MILR1: variants seen among roughly 807,000 people sequenced by gnomAD.
MILR1 encodes the protein mast cell immunoglobulin like receptor 1.
In MILR1, 31 loss-of-function variants were observed where a neutral mutation model predicts 18.5. The observed-to-expected ratio is 1.68, with a 90% CI of 1.26 to 2.26. The LOEUF is 2.26. Among genes scored for constraint, MILR1 ranks in the 30% most tolerant of loss-of-function variants. The pLI is 0.00. For synonymous variants in MILR1, 85 were observed against 56.2 expected (o/e 1.51, Z -2.30); for missense variants, 257 against 157.4 (o/e 1.63, Z -3.38).
chr17:64,477,157 TAA>T, the MILR1 span, among the ~76,000 whole-genome samples: 1 of 152,234 alleles, frequency 6.6e-6, no homozygotes. Flanking sequence ...GCAGATTCCA[TAA>T]AGACCTTTTC....
rs782460350 is a variant in MILR1 at position 64,468,320 on chromosome 17, A to G, written c.*39A>G. 78 of 451,266 alleles carry G rather than the reference A, an allele frequency of 1.7e-4. No individual in the cohort carries two copies. The highest frequency in any genetic ancestry group is 3.6e-4 in the Admixed American group (15 of 41,874). The allele number at this position is 451,266 out of a possible 1,614,324, so 28.0% of individuals were successfully genotyped here. A position where few individuals can be genotyped will look rare whatever the true frequency, so the allele number is the denominator to read the frequency against. ...CTTTTTTTTTTTGAGATGGAGTCTCACTCTGTTGCCCAGGCTGGAGTTCAG... is the reference window on the plus strand; with the variant it reads ...CTTTTTTTTTTTGAGATGGAGTCTCGCTCTGTTGCCCAGGCTGGAGTTCAG... On this transcript the variant is annotated 3_prime_UTR_variant, in exon 10 of 10. Transcript: ENST00000619286.
At chr17:64,485,470 G>A in the MILR1 span, 8 of 464,288 alleles carry the variant, frequency 1.7e-5, no homozygotes, top group Admixed American at 6.8e-5. Context: ...CAGGGGCTAG[G>A]AGTCATAGAG....
the MILR1 span, chr17:64,487,305 C>G: frequency 1.3e-5 from 2 of 152,130 alleles, no homozygotes; most frequent in Admixed American, 6.6e-5. Flanking sequence ...CAGTTATCGT[C>G]GAACTGATAG....
chr17:64,480,618 T>A, the MILR1 span, among the ~76,000 whole-genome samples: 1 of 152,200 alleles, frequency 6.6e-6, no homozygotes, highest in East Asian at 1.9e-4. Context: ...TAAATGCCAA[T>A]CTTCTGAGAA....
At chr17:64,469,604 G>A (rs2037656249), downstream of MILR1, among the ~76,000 whole-genome samples, 1 of 152,148 alleles carries the variant, frequency 6.6e-6, no homozygotes, top group African/African-American at 2.4e-5. Flanking sequence ...TTGCCATGTT[G>A]GCCAGGCTGG....
downstream of MILR1, among the ~76,000 whole-genome samples, chr17:64,472,646 C>T (rs1010862407): frequency 6.6e-6 from 1 of 151,918 alleles, no homozygotes; most frequent in Non-Finnish European, 1.5e-5. Context: ...TACACAAATA[C>T]TTACCATTGT....
At chr17:64,457,934 C>G (rs1277680537) in intron 4 of MILR1, among the ~76,000 whole-genome samples, 1 of 152,122 alleles carries the variant, frequency 6.6e-6, no homozygotes, top group Non-Finnish European at 1.5e-5. Context: ...TCCATGCAAA[C>G]TCTCATGGGG....
In MILR1 at chr17:64,467,632, AACTAC is replaced by A. The variant is rs2037604742; in HGVS notation, c.*17_*21del. 1.3e-6 allele frequency: 2 copies of A among 1,553,494 alleles called. No homozygotes were observed. The highest frequency in any genetic ancestry group is 1.8e-6 in the Non-Finnish European group (2 of 1,139,524). On this transcript the variant is annotated 3_prime_UTR_variant, in exon 9 of 10. Transcript: ENST00000619286. The stretch of plus-strand genomic sequence containing the variant: ...TCAACTTCTGAAATTTACAGAAACA[AACTAC>A]ATCTCAGGGTAAGATGCTTTTTATG...
At chr17:64,467,814 A>G (rs1280484369) in intron 9 of MILR1, 169 bp downstream of exon 9, 1 of 457,286 alleles carries the variant, frequency 2.2e-6, no homozygotes, top group East Asian at 4.1e-5. Context: ...GTGTGTGTGT[A>G]GTCCCAGCTA....
the MILR1 span, chr17:64,491,831 C>T: frequency 4.8e-6 from 2 of 418,574 alleles, no homozygotes; most frequent in Non-Finnish European, 4.4e-6. Flanking sequence ...TTCTTGGCTG[C>T]AACCCCTCCA....
At chr17:64,488,424 TG>T in the MILR1 span, among the ~76,000 whole-genome samples, 821 of 152,078 alleles carry the variant, frequency 5.4e-3, 5 homozygotes, top group Middle Eastern at 0.01. Flanking sequence ...CAAAATAATC[TG>T]GGCATGGTAG....
At chr17:64,480,007 C>T in the MILR1 span, among the ~76,000 whole-genome samples, 1 of 152,198 alleles carries the variant, frequency 6.6e-6, no homozygotes, top group Non-Finnish European at 1.5e-5. Context: ...CACATGCTCT[C>T]TACATACATA....
chr17:64,496,507 G>C, the MILR1 span: 9 of 1,612,726 alleles, frequency 5.6e-6, no homozygotes, highest in African/African-American at 1.2e-4. Flanking sequence ...GCAAGATTTC[G>C]CGTAGAGTTT....
downstream of MILR1, among the ~76,000 whole-genome samples, chr17:64,470,904 G>A (rs1311136690): frequency 6.6e-6 from 1 of 152,174 alleles, no homozygotes; most frequent in Non-Finnish European, 1.5e-5. Flanking sequence ...CCTTTCAAGT[G>A]CTGGAATGCT....
chr17:64,483,079 T>C, the MILR1 span: 1 of 735,084 alleles, frequency 1.4e-6, no homozygotes, highest in Non-Finnish European at 2.4e-6. Flanking sequence ...CAAGTTTAAA[T>C]ATAACACAAG....
At chr17:64,482,989 A>C in the MILR1 span, 1 of 1,596,660 alleles carries the variant, frequency 6.3e-7, no homozygotes, top group Non-Finnish European at 8.6e-7. Flanking sequence ...ACAAGGGTGA[A>C]GTTTAAGTAC....
the MILR1 span, chr17:64,497,022 GC>G: frequency 6.6e-7 from 1 of 1,513,082 alleles, no homozygotes; most frequent in Non-Finnish European, 9.1e-7. Context: ...ATCCCAACAA[GC>G]CACCACTACC....
chr17:64,459,793 T>C (rs2037381504), intron 4 of MILR1, among the ~76,000 whole-genome samples: 1 of 152,112 alleles, frequency 6.6e-6, no homozygotes, highest in Non-Finnish European at 1.5e-5. Context: ...GGCAGTTGTT[T>C]GGATGACACG....
chr17:64,461,522 T>C (rs1422773992), intron 5 of MILR1, among the ~76,000 whole-genome samples: 2 of 152,154 alleles, frequency 1.3e-5, no homozygotes, highest in Non-Finnish European at 2.9e-5. Context: ...GTGCTGGGAT[T>C]ACAGGTGTGA....
Sources: allele counts gnomAD v4.1 joint callset (sites outside exome capture counted in the v4.1 genomes callset), GRCh38; gene constraint gnomAD v4.1.1; transcripts MANE v1.5; gene names NCBI Gene and HGNC (gene_info 2026-07-23, HGNC 2026-07-21).